The following CREB5 variants were observed in gnomAD, a reference collection of about 807,000 sequenced individuals.
The protein encoded by CREB5 is cyclic AMP-responsive element-binding protein 5.
Under a neutral mutation model 57.1 loss-of-function variants are expected in CREB5, and 19 were observed. The observed-to-expected ratio is 0.33, with a 90% CI of 0.23 to 0.49. The LOEUF is 0.49. Ranked by LOEUF, CREB5 falls within the 20% of genes least tolerant of loss-of-function variation. CREB5 has a pLI of 0.99. For synonymous variants in CREB5, 238 were observed against 238.3 expected, an observed-to-expected ratio of 1.00 and a Z score of 0.01; for missense variants, 579 against 671.6, an observed-to-expected ratio of 0.86 and a Z score of 1.52.
At chr7:28,806,276 T>C (rs2128802250) in intron 8 of CREB5, among the ~76,000 whole-genome samples, 1 of 152,322 alleles carries the variant, frequency 6.6e-6, no homozygotes, top group African/African-American at 2.4e-5. Flanking sequence ...CAGTTGCTTT[T>C]TTTAATTGTA....
intron 1 of CREB5, among the ~76,000 whole-genome samples, chr7:28,436,674 C>T (rs1788976247): frequency 6.6e-6 from 1 of 151,988 alleles, no homozygotes; most frequent in Admixed American, 6.6e-5. Flanking sequence ...ATTTCCAAGG[C>T]ATTTTTTTTT....
intron 1 of CREB5, among the ~76,000 whole-genome samples, chr7:28,300,151 T>C (rs192294505): frequency 4.0e-4 from 61 of 152,214 alleles, no homozygotes; most frequent in Admixed American, 9.8e-4. Context: ...GCTCACCTTG[T>C]CAAACTGTGA....
At chr7:28,632,028 C>A (rs1798224996) in intron 5 of CREB5, among the ~76,000 whole-genome samples, 2 of 152,136 alleles carry the variant, frequency 1.3e-5, no homozygotes, top group African/African-American at 4.8e-5. Context: ...CTAAAGTAGG[C>A]TAAACCCATG....
At chr7:28,699,737 G>T (rs1377788011) in intron 5 of CREB5, among the ~76,000 whole-genome samples, 1 of 152,076 alleles carries the variant, frequency 6.6e-6, no homozygotes, top group Admixed American at 6.6e-5. Context: ...CCAAATTATG[G>T]CTCTATTTTT....
chr7:28,795,992 A>T (rs1808017793), intron 7 of CREB5, among the ~76,000 whole-genome samples: 1 of 152,120 alleles, frequency 6.6e-6, no homozygotes, highest in South Asian at 2.1e-4. Flanking sequence ...ACCTCAAGTG[A>T]TCTGCCTGCC....
intron 5 of CREB5, among the ~76,000 whole-genome samples, chr7:28,664,851 C>G (rs41335): frequency 0.43 from 64,689 of 151,928 alleles, 14,944 homozygotes; most frequent in East Asian, 0.66. Context: ...GAGTTTTAGA[C>G]GTAGTGTATT....
chr7:28,783,752 A>T (rs1185255182), intron 7 of CREB5, among the ~76,000 whole-genome samples: 1 of 152,140 alleles, frequency 6.6e-6, no homozygotes, highest in Non-Finnish European at 1.5e-5. Context: ...AATGGGCCCA[A>T]ACCTCATCCA....
chr7:28,794,943 TCAGAA>T (rs1429276564), intron 7 of CREB5, among the ~76,000 whole-genome samples: 4 of 152,170 alleles, frequency 2.6e-5, no homozygotes, highest in Non-Finnish European at 4.4e-5. Flanking sequence ...GCCCATCAAT[TCAGAA>T]TTGGGATACT....
At chr7:28,718,452 G>C (rs1262393011) in intron 5 of CREB5, among the ~76,000 whole-genome samples, 2 of 152,190 alleles carry the variant, frequency 1.3e-5, no homozygotes, top group Non-Finnish European at 2.9e-5. Context: ...TCACCACCAA[G>C]TTCCTTTCCT....
intron 1 of CREB5, among the ~76,000 whole-genome samples, chr7:28,462,059 C>T (rs1468997276): frequency 6.6e-6 from 1 of 152,102 alleles, no homozygotes; most frequent in Non-Finnish European, 1.5e-5. Context: ...TATCAATTAG[C>T]AGTCACTCCC....
intron 4 of CREB5, among the ~76,000 whole-genome samples, chr7:28,530,431 G>A (rs1793673336): frequency 6.6e-6 from 1 of 152,146 alleles, no homozygotes; most frequent in African/African-American, 2.4e-5. Flanking sequence ...GGTGCACGAA[G>A]CCATAGCCAA....
At chr7:28,631,305 C>T (rs1798192901) in intron 5 of CREB5, among the ~76,000 whole-genome samples, 1 of 152,146 alleles carries the variant, frequency 6.6e-6, no homozygotes, top group Non-Finnish European at 1.5e-5. Flanking sequence ...GTAATCAAAA[C>T]AGCCTTAAAA....
At chr7:28,551,300 T>G (rs975219545) in intron 4 of CREB5, among the ~76,000 whole-genome samples, 1 of 152,194 alleles carries the variant, frequency 6.6e-6, no homozygotes, top group African/African-American at 2.4e-5. Context: ...GGTGCAGAGT[T>G]TTAAAAGTTA....
intron 4 of CREB5, among the ~76,000 whole-genome samples, chr7:28,566,296 A>G (rs1795474909): frequency 6.6e-6 from 1 of 152,224 alleles, no homozygotes; most frequent in South Asian, 2.1e-4. Context: ...ATGCCTCCCA[A>G]CTTTGTGTCA....
At chr7:28,504,447 C>T (rs542242066) in intron 3 of CREB5, among the ~76,000 whole-genome samples, 4 of 152,046 alleles carry the variant, frequency 2.6e-5, no homozygotes, top group Non-Finnish European at 5.9e-5. Context: ...TGATAGGAGG[C>T]CCTTGGGGGG....
chr7:28,542,197 G>A (rs1794235468), intron 4 of CREB5, among the ~76,000 whole-genome samples: 1 of 152,116 alleles, frequency 6.6e-6, no homozygotes, highest in African/African-American at 2.4e-5. Flanking sequence ...TCTGTTTTAT[G>A]GGCAATTGAG....
At chr7:28,610,052 T>G (rs144460843) in intron 5 of CREB5, among the ~76,000 whole-genome samples, 1 of 152,358 alleles carries the variant, frequency 6.6e-6, no homozygotes, top group African/African-American at 2.4e-5. Context: ...TTGTAGCTTT[T>G]CTTTTCTGAA....
chr7:28,420,677 A>G (rs42725), intron 1 of CREB5, among the ~76,000 whole-genome samples: 142,156 of 152,006 alleles, frequency 0.94, 66,542 homozygotes, highest in East Asian at 0.99. Context: ...GCATGGTGGC[A>G]CACACCTGTA....
At chr7:28,677,352 A>G (rs1409954130) in intron 5 of CREB5, among the ~76,000 whole-genome samples, 3 of 152,148 alleles carry the variant, frequency 2.0e-5, no homozygotes, top group East Asian at 3.9e-4. Flanking sequence ...CTTGACCTAT[A>G]TAATCTCCAA....
Sources: gnomAD v4.1 joint callset for allele counts (sites outside exome capture counted in the v4.1 genomes callset) on GRCh38, gnomAD v4.1.1 for gene constraint, MANE v1.5 for transcripts, NCBI Gene and HGNC (gene_info 2026-07-23, HGNC 2026-07-21) for gene names.